Variants in RNF38 observed in about 807,000 individuals in gnomAD.
The protein encoded by RNF38 is E3 ubiquitin-protein ligase RNF38.
In RNF38, 15 loss-of-function variants were observed where a neutral mutation model predicts 67.2. The ratio of observed to expected loss-of-function variants is 0.22; its 90% confidence interval spans 0.15 to 0.34. The LOEUF is 0.34. RNF38 is among the 10% of genes least tolerant of loss of function. RNF38 has a pLI of 1.00. For missense variants in RNF38, 524 were observed against 639.9 expected, an observed-to-expected ratio of 0.82 and a Z score of 1.95; for synonymous variants, 220 against 218.8, an observed-to-expected ratio of 1.01 and a Z score of -0.05.
chr9:36,487,598 C>T (rs1840451799), upstream of RNF38: 1 of 980,210 alleles, frequency 1.0e-6, no homozygotes, highest in Non-Finnish European at 1.2e-6. Flanking sequence ...TGCGACTCGA[C>T]TCCGGCGCGG....
chr9:36,450,267 T>A (rs902008053), intron 1 of RNF38, among the ~76,000 whole-genome samples: 3 of 152,162 alleles, frequency 2.0e-5, no homozygotes, highest in Admixed American at 6.6e-5. Flanking sequence ...ACTTGACTTT[T>A]TTTTTATATA....
chr9:36,463,922 CT>C (rs1839796063), intron 1 of RNF38, among the ~76,000 whole-genome samples: 1 of 152,102 alleles, frequency 6.6e-6, no homozygotes, highest in Non-Finnish European at 1.5e-5. Flanking sequence ...AATCCCAGCA[CT>C]TTGGGAGGCC....
At chr9:36,464,323 C>T (rs13296596) in intron 1 of RNF38, among the ~76,000 whole-genome samples, 10,171 of 152,030 alleles carry the variant, frequency 0.067, 431 homozygotes, top group Middle Eastern at 0.15. Context: ...AATCCCAGCA[C>T]TTTAGGAGGC....
At chr9:36,450,924 A>G (rs969002311) in intron 1 of RNF38, among the ~76,000 whole-genome samples, 1 of 152,194 alleles carries the variant, frequency 6.6e-6, no homozygotes, top group African/African-American at 2.4e-5. Flanking sequence ...AATCATCACA[A>G]AAGTGAGATA....
intron 1 of RNF38, among the ~76,000 whole-genome samples, chr9:36,450,565 A>T (rs1460732793): frequency 6.6e-6 from 1 of 152,230 alleles, no homozygotes; most frequent in African/African-American, 2.4e-5. Context: ...AGCTCAAAAT[A>T]TAGAACTTGG....
At chr9:36,355,844 T>C (rs575068230) in intron 6 of RNF38, among the ~76,000 whole-genome samples, 32 of 152,064 alleles carry the variant, frequency 2.1e-4, no homozygotes, top group African/African-American at 7.5e-4. Context: ...AGTTATTACG[T>C]TTGTTTGTTT....
intron 1 of RNF38, among the ~76,000 whole-genome samples, chr9:36,482,161 C>T (rs768250151): frequency 6.8e-6 from 1 of 147,570 alleles, no homozygotes; most frequent in Non-Finnish European, 1.5e-5. Context: ...TCAAGCGATT[C>T]TCCTGCCTCA....
chr9:36,437,918 A>G (rs562187944), intron 1 of RNF38, among the ~76,000 whole-genome samples: 1 of 152,264 alleles, frequency 6.6e-6, no homozygotes, highest in East Asian at 1.9e-4. Context: ...GTAGGCATAA[A>G]TGTACCATTT....
chr9:36,425,699 AAAAATGAAAATG>A (rs1325243108), intron 1 of RNF38, among the ~76,000 whole-genome samples: 2 of 152,234 alleles, frequency 1.3e-5, no homozygotes, highest in African/African-American at 4.8e-5. Flanking sequence ...TGTTTCAAAA[AAAAATGAAAATG>A]AAAATGAAAA....
chr9:36,402,606 G>A (rs978493554), upstream of RNF38, among the ~76,000 whole-genome samples: 4 of 152,120 alleles, frequency 2.6e-5, no homozygotes, highest in Admixed American at 2.0e-4. Flanking sequence ...AAGAACATCA[G>A]GAAAGGAAAG....
At chr9:36,381,945 T>C (rs895668905) in intron 2 of RNF38, among the ~76,000 whole-genome samples, 2 of 152,192 alleles carry the variant, frequency 1.3e-5, no homozygotes, top group African/African-American at 4.8e-5. Flanking sequence ...TGCCAGTAGT[T>C]CTCAAACCTT....
At chr9:36,419,034 C>T (rs1838550192) in intron 2 of RNF38, among the ~76,000 whole-genome samples, 1 of 152,122 alleles carries the variant, frequency 6.6e-6, no homozygotes, top group Admixed American at 6.6e-5. Context: ...AGAAGAAAAA[C>T]TGGTACATCT....
At chr9:36,392,418 C>G (rs899939937) in intron 1 of RNF38, among the ~76,000 whole-genome samples, 9 of 152,096 alleles carry the variant, frequency 5.9e-5, no homozygotes, top group Non-Finnish European at 1.5e-5. Context: ...CTGACTGACT[C>G]CTACAAGCCA....
chr9:36,460,991 T>G (rs1466425739), intron 1 of RNF38, among the ~76,000 whole-genome samples: 1 of 151,018 alleles, frequency 6.6e-6, no homozygotes, highest in East Asian at 2.0e-4. Flanking sequence ...AGCAGGTGGA[T>G]CACCTGAGAT....
At chr9:36,351,257 G>A in intron 8 of RNF38, 58 bp from the exon 9 acceptor site, 2 of 1,142,428 alleles carry the variant, frequency 1.8e-6, no homozygotes, top group East Asian at 4.9e-5. Flanking sequence ...TCAATGAACA[G>A]GACAGGGAGG....
At position 36,347,120 on chromosome 9, in the gene RNF38, CGGGGGGGGGGGGGGGGGGGG is replaced by C. The variant is rs530431645; in HGVS notation, c.1264-2187_1264-2168del. Among the ~76,000 whole-genome samples, 73 of 51,430 alleles carry C rather than the reference CGGGGGGGGGGGGGGGGGGGG, an allele frequency of 1.4e-3. 3 individuals carry two copies. Among genetic ancestry groups the C allele is most frequent in the African/African-American group, 6.3e-3 (65 of 10,366 alleles). 33.7% of individuals were successfully genotyped at this position (51,430 alleles called of 152,430 possible). On this transcript the variant is annotated intron_variant, in intron 9 of 11. Transcript: ENST00000259605. ...TGGGCGACAAAGGGAGACTCCATCT[CGGGGGGGGGGGGGGGGGGGG>C]GGGGGGGGGAAGTAAATTGCCAAAT...
chr9:36,370,626 C>A (rs993384136), intron 3 of RNF38, among the ~76,000 whole-genome samples: 1 of 152,102 alleles, frequency 6.6e-6, no homozygotes, highest in Non-Finnish European at 1.5e-5. Flanking sequence ...GCTTGTTGGG[C>A]CAGGTGCAGT....
intron 1 of RNF38, among the ~76,000 whole-genome samples, chr9:36,454,476 A>G (rs1839536208): frequency 1.3e-5 from 2 of 151,956 alleles, no homozygotes; most frequent in African/African-American, 4.8e-5. Context: ...CATACCTATT[A>G]CATTATTTCA....
At chr9:36,395,020 G>C (rs372918532) in intron 1 of RNF38, among the ~76,000 whole-genome samples, 4 of 152,116 alleles carry the variant, frequency 2.6e-5, no homozygotes, top group Non-Finnish European at 4.4e-5. Flanking sequence ...AACTTATCAT[G>C]TTTAATGTCT....
Sources: allele counts gnomAD v4.1 joint callset (sites outside exome capture counted in the v4.1 genomes callset), GRCh38; gene constraint gnomAD v4.1.1; transcripts MANE v1.5; gene names NCBI Gene and HGNC (gene_info 2026-07-23, HGNC 2026-07-21).